Variants in RETREG1 observed in about 807,000 individuals in gnomAD.
RETREG1 encodes family with sequence similarity 134 member B.
In RETREG1, 44 loss-of-function variants were observed where a neutral mutation model predicts 54.8. The ratio of observed to expected loss-of-function variants is 0.80; its 90% CI spans 0.63 to 1.03. The LOEUF is 1.03. Among genes scored for constraint, RETREG1 ranks in the 50% least tolerant of loss-of-function variants. RETREG1 has a pLI of 0.00. For synonymous variants in RETREG1, 217 were observed against 238.5 expected (o/e 0.91, Z 0.83); for missense variants, 554 against 605.1 (o/e 0.92, Z 0.89).
intron 1 of RETREG1, among the ~76,000 whole-genome samples, chr5:16,613,076 T>C (rs1188168034): frequency 9.4e-5 from 14 of 148,556 alleles, no homozygotes; most frequent in Non-Finnish European, 1.5e-4. Flanking sequence ...ATTAAATTAT[T>C]TGTGGATACT....
chr5:16,608,738 G>A (rs761722481), intron 1 of RETREG1, among the ~76,000 whole-genome samples: 13 of 152,220 alleles, frequency 8.5e-5, no homozygotes, highest in African/African-American at 2.4e-4. Context: ...CACAGGTACC[G>A]ACTACTCAGA....
chr5:16,587,794 T>C (rs1330978059), intron 1 of RETREG1, among the ~76,000 whole-genome samples: 4 of 152,180 alleles, frequency 2.6e-5, no homozygotes, highest in East Asian at 1.9e-4. Flanking sequence ...CACTCTTACC[T>C]TGGGTGTGCT....
chr5:16,566,063 C>T (rs1319299886), intron 2 of RETREG1, among the ~76,000 whole-genome samples: 1 of 152,172 alleles, frequency 6.6e-6, no homozygotes. Context: ...GACCCTGCCT[C>T]GGGGACTTCA....
intron 3 of RETREG1, among the ~76,000 whole-genome samples, chr5:16,535,977 C>A (rs542050120): frequency 4.6e-5 from 7 of 151,634 alleles, no homozygotes; most frequent in African/African-American, 1.5e-4. Context: ...GTGCACGCTG[C>A]CTTCACGAAG....
intron 1 of RETREG1, among the ~76,000 whole-genome samples, chr5:16,574,129 G>C (rs1277806265): frequency 6.6e-6 from 1 of 152,154 alleles, no homozygotes; most frequent in South Asian, 2.1e-4. Context: ...CCTCCAATTA[G>C]AGAATACAAC....
At chr5:16,615,412 A>AAAAAGAAAG (rs1554026582) in intron 1 of RETREG1, among the ~76,000 whole-genome samples, 1 of 150,200 alleles carries the variant, frequency 6.7e-6, no homozygotes, top group African/African-American at 2.5e-5. Flanking sequence ...AAAAAAAAAA[A>AAAAAGAAAG]AAAGAAAGAA....
rs111588921 is a variant in RETREG1, at chr5:16,612,716, G to A, written c.320+3936C>T. Among the ~76,000 whole-genome samples, 782 of 152,134 alleles carry A rather than the reference G, an allele frequency of 5.1e-3. 9 individuals carry two copies. The highest frequency in any genetic ancestry group is 0.018 in the African/African-American group (742 of 41,470). On this transcript the variant is annotated intron_variant, in intron 1 of 8. Coordinates refer to ENST00000306320, the MANE Select transcript of RETREG1 (RefSeq NM_001034850.3). ...GGCCTCTATTTTACCAAACTCCTCTGAGTTCTCATGAATATCATTTTTTAG... is the reference window on the plus strand; with the variant it reads ...GGCCTCTATTTTACCAAACTCCTCTAAGTTCTCATGAATATCATTTTTTAG...
At chr5:16,567,865 G>A (rs745911927) in intron 2 of RETREG1, among the ~76,000 whole-genome samples, 5 of 152,116 alleles carry the variant, frequency 3.3e-5, no homozygotes, top group Non-Finnish European at 7.3e-5. Context: ...GGAGTCTGAG[G>A]TAGGAGGATC....
At chr5:16,563,443 G>T (rs1741923409) in intron 3 of RETREG1, among the ~76,000 whole-genome samples, 1 of 151,838 alleles carries the variant, frequency 6.6e-6, no homozygotes, top group South Asian at 2.1e-4. Flanking sequence ...TTTTTTTGTA[G>T]AGTTAGGGTC....
intron 3 of RETREG1, among the ~76,000 whole-genome samples, chr5:16,499,631 G>C (rs1303703167): frequency 6.6e-6 from 1 of 152,170 alleles, no homozygotes; most frequent in Non-Finnish European, 1.5e-5. Context: ...CTCCTGTTTT[G>C]TTTATATGGC....
At chr5:16,510,818 C>CAAAAAAAAAAAAAAAAAAAAA (rs57713373) in intron 3 of RETREG1, among the ~76,000 whole-genome samples, 1 of 75,688 alleles carries the variant, frequency 1.3e-5, no homozygotes, top group African/African-American at 5.7e-5. Flanking sequence ...ACAACAACAA[C>CAAAAAAAAAAAAAAAAAAAAA]AAAAAAAAAA....
At chr5:16,533,691 A>G (rs1740978709) in intron 3 of RETREG1, among the ~76,000 whole-genome samples, 3 of 152,164 alleles carry the variant, frequency 2.0e-5, no homozygotes, top group Admixed American at 2.0e-4. Context: ...TGGCTGGTTC[A>G]AGCAGAAAAG....
chr5:16,565,668 T>C (rs1741984965), intron 3 of RETREG1, 95 bp downstream of exon 3: 1 of 1,298,748 alleles, frequency 7.7e-7, no homozygotes, highest in East Asian at 2.3e-5. Context: ...TAGATTCCTG[T>C]CACTAAAATT....
intron 3 of RETREG1, among the ~76,000 whole-genome samples, chr5:16,547,643 A>G (rs1237413316): frequency 3.3e-5 from 5 of 152,214 alleles, no homozygotes; most frequent in Admixed American, 3.3e-4. Context: ...TCCCCTTTCA[A>G]TGTGTACAAT....
At chr5:16,512,034 T>C (rs1331557163) in intron 3 of RETREG1, among the ~76,000 whole-genome samples, 1 of 152,142 alleles carries the variant, frequency 6.6e-6, no homozygotes, top group Non-Finnish European at 1.5e-5. Flanking sequence ...CGAGTGTAGC[T>C]ACACAATCGA....
chr5:16,509,734 C>T (rs555873472), intron 3 of RETREG1, among the ~76,000 whole-genome samples: 90 of 152,238 alleles, frequency 5.9e-4, no homozygotes, highest in African/African-American at 2.1e-3. Context: ...CTGTGGCTCA[C>T]GCCTGTAATC....
intron 8 of RETREG1, 110 bp from the exon 9 acceptor site, chr5:16,475,344 T>C (rs1182592201): frequency 1.6e-6 from 2 of 1,224,656 alleles, no homozygotes; most frequent in Non-Finnish European, 2.3e-6. Context: ...AACCTTGGCA[T>C]TCATCTAGCC....
chr5:16,544,865 T>C (rs1284588935), intron 3 of RETREG1, among the ~76,000 whole-genome samples: 1 of 152,240 alleles, frequency 6.6e-6, no homozygotes, highest in Non-Finnish European at 1.5e-5. Context: ...CCTAGAATGC[T>C]GAACTGCTTT....
chr5:16,554,650 C>T (rs1012546791), intron 3 of RETREG1, among the ~76,000 whole-genome samples: 11 of 152,176 alleles, frequency 7.2e-5, no homozygotes, highest in Non-Finnish European at 1.2e-4. Flanking sequence ...TGATGTACTG[C>T]GCATATACCT....
Sources: allele counts gnomAD v4.1 joint callset (sites outside exome capture counted in the v4.1 genomes callset), GRCh38; gene constraint gnomAD v4.1.1; transcripts MANE v1.5; gene names NCBI Gene and HGNC (gene_info 2026-07-23, HGNC 2026-07-21).